Variants in UTRN observed in about 807,000 individuals in gnomAD.
UTRN encodes utrophin.
UTRN carries 283 observed loss-of-function variants against 463.9 expected under a neutral mutation model. The ratio of observed to expected loss-of-function variants is 0.61; its 90% CI spans 0.55 to 0.67. The LOEUF (loss-of-function observed/expected upper bound fraction) is 0.67, where lower values mean the gene tolerates loss of function less well. Ranked by LOEUF, UTRN falls within the 30% of genes least tolerant of loss-of-function variation. UTRN has a pLI of 0.00. For missense variants in UTRN, 3,922 were observed against 4,084.3 expected (o/e 0.96, Z 1.08); for synonymous variants, 1,442 against 1,431.5 (o/e 1.01, Z -0.17).
At chr6:144,777,803 G>C (rs183564460) in intron 60 of UTRN, among the ~76,000 whole-genome samples, 9 of 152,246 alleles carry the variant, frequency 5.9e-5, no homozygotes, top group African/African-American at 1.2e-4. Context: ...AGTTAATTGG[G>C]GATAAGAAGG....
intron 61 of UTRN, among the ~76,000 whole-genome samples, chr6:144,788,952 T>G (rs907781191): frequency 6.6e-6 from 1 of 152,246 alleles, no homozygotes; most frequent in Non-Finnish European, 1.5e-5. Context: ...GTTTATGTGT[T>G]GTGTGCAAAG....
chr6:144,420,275 A>G (rs1345401465), intron 3 of UTRN, among the ~76,000 whole-genome samples: 1 of 152,230 alleles, frequency 6.6e-6, no homozygotes, highest in Non-Finnish European at 1.5e-5. Flanking sequence ...ATAATACAAC[A>G]TTTATTAAAT....
intron 65 of UTRN, among the ~76,000 whole-genome samples, chr6:144,804,228 CAAAT>C (rs1406507473): frequency 6.6e-6 from 1 of 152,042 alleles, no homozygotes; most frequent in Non-Finnish European, 1.5e-5. Flanking sequence ...TATCTTATCT[CAAAT>C]AAATAAGTGC....
intron 51 of UTRN, among the ~76,000 whole-genome samples, chr6:144,606,276 A>G (rs150519677): frequency 1.7e-3 from 259 of 152,362 alleles, no homozygotes; most frequent in African/African-American, 5.9e-3. Context: ...TTATCCATGC[A>G]CAGATGTAAT....
At chr6:144,796,654 A>G (rs2128744934) in intron 63 of UTRN, among the ~76,000 whole-genome samples, 1 of 152,316 alleles carries the variant, frequency 6.6e-6, no homozygotes, top group Non-Finnish European at 1.5e-5. Flanking sequence ...TACTGCATAT[A>G]AAGACATTTT....
chr6:144,360,565 C>T (rs1220160887), intron 2 of UTRN, among the ~76,000 whole-genome samples: 1 of 152,200 alleles, frequency 6.6e-6, no homozygotes, highest in Non-Finnish European at 1.5e-5. Context: ...TTCTGGTGCA[C>T]TGGGACTTCC....
At chr6:144,846,752 C>A (rs1782048327) in intron 73 of UTRN, 53 bp from the exon 74 acceptor site, 2 of 1,613,330 alleles carry the variant, frequency 1.2e-6, no homozygotes, top group Non-Finnish European at 1.7e-6. Context: ...AGAGTTGGAA[C>A]CAACAAAGTA....
intron 53 of UTRN, among the ~76,000 whole-genome samples, chr6:144,707,740 C>T (rs941147238): frequency 6.6e-6 from 1 of 152,090 alleles, no homozygotes; most frequent in African/African-American, 2.4e-5. Flanking sequence ...GTGGGGCCTG[C>T]AAATGTGCAT....
chr6:144,455,078 AAC>A (rs1788686434), intron 19 of UTRN, among the ~76,000 whole-genome samples: 1 of 149,422 alleles, frequency 6.7e-6, no homozygotes, highest in South Asian at 2.1e-4. Flanking sequence ...CACACACACA[AAC>A]ACACAGAAAC....
chr6:144,732,659 TTA>T (rs1491148929), intron 54 of UTRN, among the ~76,000 whole-genome samples: 4 of 34,000 alleles, frequency 1.2e-4, no homozygotes, highest in African/African-American at 3.0e-4. Context: ...TTATGTCATG[TTA>T]TGTTATGTTA....
At chr6:144,763,100 T>G (rs1792897204) in intron 58 of UTRN, among the ~76,000 whole-genome samples, 1 of 152,182 alleles carries the variant, frequency 6.6e-6, no homozygotes, top group Non-Finnish European at 1.5e-5. Flanking sequence ...CAATGTACAA[T>G]ATCACACAAC....
chr6:144,851,628 G>C lies in UTRN; in HGVS notation c.*631G>C, dbSNP rs1782489125. 1 of 152,074 alleles carries C rather than the reference G, an allele frequency of 6.6e-6. No individual in the cohort carries two copies. The highest frequency in any genetic ancestry group is 2.4e-5 in the African/African-American group (1 of 41,384). The allele number at this position is 152,074 out of a possible 1,614,324, so 9.4% of individuals were successfully genotyped here. On this transcript the variant is annotated 3_prime_UTR_variant, in exon 75 of 75. Transcript: ENST00000367545. ...ATACACACATATGGTTTAAGCTACA[G>C]CCCTGTGTATGCCGTTTAACTTTAT...
At chr6:144,518,210 C>T (rs1397636657) in intron 39 of UTRN, among the ~76,000 whole-genome samples, 1 of 152,198 alleles carries the variant, frequency 6.6e-6, no homozygotes, top group Non-Finnish European at 1.5e-5. Context: ...TTTTCTCACT[C>T]TAGCATGTCC....
At chr6:144,364,153 C>G (rs978982755) in intron 2 of UTRN, among the ~76,000 whole-genome samples, 12 of 152,156 alleles carry the variant, frequency 7.9e-5, no homozygotes, top group African/African-American at 2.2e-4. Flanking sequence ...AAGCTCTCTT[C>G]GTGGATTTCA....
chr6:144,757,538 G>GA (rs1181210277), intron 57 of UTRN, among the ~76,000 whole-genome samples: 1 of 151,986 alleles, frequency 6.6e-6, no homozygotes, highest in African/African-American at 2.4e-5. Flanking sequence ...ATTCGGTCTT[G>GA]AAAAATCTAA....
In UTRN at chr6:144,622,458, A is replaced by G. The variant is rs192214888; in HGVS notation, c.7479+45170A>G. ...TGCCTTGGCCTCCTGAAGTGCTGGG[A>G]TTACAGGTGTGAGCCACTGTGCCAG... On this transcript the variant is annotated intron_variant, in intron 51 of 74. Transcript: ENST00000367545. Among the ~76,000 whole-genome samples the G allele has an allele frequency of 8.8e-3, 1,337 of 152,224 alleles. 9 individuals are homozygous for G. The highest frequency in any genetic ancestry group is 0.014 in the Admixed American group (208 of 15,288).
intron 53 of UTRN, among the ~76,000 whole-genome samples, chr6:144,722,858 T>A (rs1787356444): frequency 6.6e-6 from 1 of 152,106 alleles, no homozygotes. Context: ...GCCCTCCCCA[T>A]CCAAGCTGCA....
intron 39 of UTRN, among the ~76,000 whole-genome samples, chr6:144,518,088 A>G (rs1335854420): frequency 6.6e-6 from 1 of 152,198 alleles, no homozygotes; most frequent in Admixed American, 6.5e-5. Context: ...TGCTTGTTTT[A>G]TGACCATCAG....
chr6:144,433,980 G>A (rs1786248716), intron 9 of UTRN, among the ~76,000 whole-genome samples: 1 of 152,242 alleles, frequency 6.6e-6, no homozygotes. Context: ...ACTTTGGGAG[G>A]CCAAGGCAGG....
Sources: allele counts gnomAD v4.1 joint callset (sites outside exome capture counted in the v4.1 genomes callset), GRCh38; gene constraint gnomAD v4.1.1; transcripts MANE v1.5; gene names NCBI Gene and HGNC (gene_info 2026-07-23, HGNC 2026-07-21).